ADAMTSL1: variants seen among roughly 807,000 people sequenced by gnomAD.
The protein encoded by ADAMTSL1 is ADAMTS like 1, also known as ADAMTS-like protein 1.
ADAMTSL1 carries 126 observed loss-of-function variants against 201.8 expected under a neutral mutation model. That is an observed-to-expected ratio of 0.62 (90% CI 0.54 to 0.72). The LOEUF (loss-of-function observed/expected upper bound fraction) is 0.72. Among genes scored for constraint, ADAMTSL1 ranks in the 30% least tolerant of loss-of-function variants. The probability of loss-of-function intolerance (pLI) is 0.00; values close to 1 mark genes in which losing one functional copy is unlikely to be tolerated. For synonymous variants in ADAMTSL1, 1,121 were observed against 903.4 expected (o/e 1.24, Z -4.32); for missense variants, 2,679 against 2,277.8 (o/e 1.18, Z -3.59).
chr9:17,915,691 C>G (rs1434345025), intron 1 of ADAMTSL1, among the ~76,000 whole-genome samples: 2 of 152,324 alleles, frequency 1.3e-5, no homozygotes, highest in East Asian at 1.9e-4. Context: ...GTTCCAGTTC[C>G]TCTGCATCCT....
chr9:18,156,278 T>C (rs1587179321), intron 1 of ADAMTSL1, among the ~76,000 whole-genome samples: 2 of 151,952 alleles, frequency 1.3e-5, no homozygotes. Context: ...ATCTGGATGG[T>C]TCATCTTTAT....
chr9:18,790,883 C>T (rs1454943302), intron 19 of ADAMTSL1, among the ~76,000 whole-genome samples: 1 of 152,086 alleles, frequency 6.6e-6, no homozygotes, highest in Non-Finnish European at 1.5e-5. Context: ...CCTAGCATGA[C>T]CACAGTACCA....
intron 23 of ADAMTSL1, among the ~76,000 whole-genome samples, chr9:18,856,263 C>G (rs1826839998): frequency 6.6e-6 from 1 of 152,012 alleles, no homozygotes; most frequent in Non-Finnish European, 1.5e-5. Context: ...GCAATCATTA[C>G]TTTTTTTCAG....
At chr9:18,741,116 A>C (rs941677905) in intron 15 of ADAMTSL1, among the ~76,000 whole-genome samples, 5 of 152,146 alleles carry the variant, frequency 3.3e-5, no homozygotes, top group Non-Finnish European at 7.4e-5. Context: ...GGCACACAAA[A>C]AGTGTTCAAT....
chr9:18,060,272 A>C (rs1470707825), intron 1 of ADAMTSL1, among the ~76,000 whole-genome samples: 1 of 152,154 alleles, frequency 6.6e-6, no homozygotes, highest in Admixed American at 6.5e-5. Flanking sequence ...TGCCTGGATC[A>C]AATATTTGTT....
intron 2 of ADAMTSL1, among the ~76,000 whole-genome samples, chr9:18,180,093 G>A (rs1221405440): frequency 6.6e-6 from 1 of 152,162 alleles, no homozygotes; most frequent in Admixed American, 6.5e-5. Context: ...ATTGGATAAA[G>A]AGTCAAGACC....
intron 2 of ADAMTSL1, among the ~76,000 whole-genome samples, chr9:18,363,686 A>G (rs545104981): frequency 6.6e-6 from 1 of 152,334 alleles, no homozygotes; most frequent in Non-Finnish European, 1.5e-5. Context: ...AAAGGCAATA[A>G]TACATAACAA....
intron 1 of ADAMTSL1, among the ~76,000 whole-genome samples, chr9:17,937,153 T>C (rs1393084704): frequency 2.0e-5 from 3 of 152,120 alleles, no homozygotes; most frequent in Non-Finnish European, 4.4e-5. Context: ...TTAGAAACAA[T>C]AAGCTGTTTT....
chr9:18,079,623 A>G (rs989378017), intron 1 of ADAMTSL1, among the ~76,000 whole-genome samples: 4 of 151,824 alleles, frequency 2.6e-5, no homozygotes, highest in Non-Finnish European at 5.9e-5. Context: ...TGGAGCTTGC[A>G]GTGAGCCGAG....
At chr9:18,052,634 G>A (rs769512940) in intron 1 of ADAMTSL1, among the ~76,000 whole-genome samples, 1 of 152,178 alleles carries the variant, frequency 6.6e-6, no homozygotes, top group Non-Finnish European at 1.5e-5. Flanking sequence ...CCCCCTAACA[G>A]TGTTGTCCTG....
intron 2 of ADAMTSL1, among the ~76,000 whole-genome samples, chr9:18,402,916 G>A (rs1818038986): frequency 6.6e-6 from 1 of 152,122 alleles, no homozygotes; most frequent in Non-Finnish European, 1.5e-5. Flanking sequence ...GCTAGGTTCA[G>A]TACTCAACGT....
intron 14 of ADAMTSL1, among the ~76,000 whole-genome samples, chr9:18,712,510 T>C (rs1832679310): frequency 1.3e-5 from 2 of 151,764 alleles, no homozygotes; most frequent in African/African-American, 4.8e-5. Flanking sequence ...CGATGGAAGA[T>C]GAAATGAATG....
At chr9:18,254,489 C>A (rs2493743) in intron 2 of ADAMTSL1, among the ~76,000 whole-genome samples, 32,111 of 150,252 alleles carry the variant, frequency 0.21, 3,743 homozygotes, top group Non-Finnish European at 0.27. Context: ...CAGCCTCCCA[C>A]GTAGCTGGGA....
At chr9:18,552,149 T>A (rs1028229238) in intron 3 of ADAMTSL1, among the ~76,000 whole-genome samples, 3 of 151,892 alleles carry the variant, frequency 2.0e-5, no homozygotes, top group African/African-American at 7.2e-5. Context: ...TCTTCAAACT[T>A]ATTTTAGTGT....
chr9:18,016,500 C>T (rs1169504547), intron 1 of ADAMTSL1, among the ~76,000 whole-genome samples: 1 of 151,932 alleles, frequency 6.6e-6, no homozygotes, highest in Non-Finnish European at 1.5e-5. Context: ...ATATTTTCCC[C>T]AACATTTGCA....
At chr9:18,396,543 ATATAAT>A (rs1456995320) in intron 2 of ADAMTSL1, among the ~76,000 whole-genome samples, 1 of 148,098 alleles carries the variant, frequency 6.8e-6, no homozygotes, top group Admixed American at 6.8e-5. Flanking sequence ...ATATCAAGTA[ATATAAT>A]TAAAATTAAT....
intron 6 of ADAMTSL1, 29 bp from the exon 7 acceptor site, chr9:18,639,225 C>G (rs1827290436): frequency 6.2e-7 from 1 of 1,610,752 alleles, no homozygotes; most frequent in African/African-American, 1.3e-5. Flanking sequence ...GAACATCTTT[C>G]TCTCATCTTC....
At chr9:17,921,815 C>G (rs551063622) in intron 1 of ADAMTSL1, among the ~76,000 whole-genome samples, 3 of 152,222 alleles carry the variant, frequency 2.0e-5, no homozygotes, top group South Asian at 2.1e-4. Context: ...CTTCTGGTTG[C>G]CAAACACAAT....
At chr9:18,836,179 A>T (rs999845212) in intron 23 of ADAMTSL1, among the ~76,000 whole-genome samples, 1 of 152,038 alleles carries the variant, frequency 6.6e-6, no homozygotes, top group Non-Finnish European at 1.5e-5. Context: ...TTGTTTTTTG[A>T]TGCTTAAATT....
Sources: allele counts gnomAD v4.1 joint callset (sites outside exome capture counted in the v4.1 genomes callset), GRCh38; gene constraint gnomAD v4.1.1; transcripts MANE v1.5; gene names NCBI Gene and HGNC (gene_info 2026-07-23, HGNC 2026-07-21).